Variants in ADI1 observed in about 807,000 individuals in gnomAD.
The protein encoded by ADI1 is acireductone dioxygenase.
ADI1 carries 21 observed loss-of-function variants against 18.7 expected under a neutral mutation model. The ratio of observed to expected loss-of-function variants is 1.13; its 90% confidence interval spans 0.80 to 1.62. ADI1 has a LOEUF of 1.62. Ranked by LOEUF, ADI1 falls within the 40% of genes most tolerant of loss-of-function variation. ADI1 has a pLI of 0.00. For missense variants in ADI1, 245 were observed against 254.9 expected, an observed-to-expected ratio of 0.96 and a Z score of 0.26; for synonymous variants, 90 against 100.1, an observed-to-expected ratio of 0.90 and a Z score of 0.60.
At chr2:3,503,752 C>A (rs531966853) in intron 2 of ADI1, among the ~76,000 whole-genome samples, 2 of 152,140 alleles carry the variant, frequency 1.3e-5, no homozygotes, top group Non-Finnish European at 2.9e-5. Context: ...GCTGGGGATG[C>A]GCCAGGGGAC....
At chr2:3,509,136 A>C (rs571562668) in intron 2 of ADI1, among the ~76,000 whole-genome samples, 79 of 152,294 alleles carry the variant, frequency 5.2e-4, no homozygotes, top group African/African-American at 1.8e-3. Flanking sequence ...GGAACATAAC[A>C]ATCTTAAACA....
At position 3,500,315 on chromosome 2, in the gene ADI1, C is replaced by T. The variant is rs138051209; in HGVS notation, c.420+499G>A. ...ATTACCCCAATCGCCTCCAGTGAAC[C>T]CCAAAACTACCTTATCTGTGTTTAT... On this transcript the variant is annotated intron_variant, in intron 3 of 3. Transcript: ENST00000327435. Among the ~76,000 whole-genome samples the T allele has an allele frequency of 5.4e-5, 8 of 147,014 alleles. No homozygotes were observed. In the East Asian group the frequency reaches 7.9e-4, roughly 15 times the overall value.
chr2:3,514,128 C>T, intron 1 of ADI1, 152 bp from the exon 2 acceptor site: 1 of 945,452 alleles, frequency 1.1e-6, no homozygotes, highest in Non-Finnish European at 1.5e-6. Context: ...CTCCTCTAGC[C>T]ATTTAATGGA....
chr2:3,518,415 T>C (rs1440744582), intron 1 of ADI1, among the ~76,000 whole-genome samples: 2 of 152,224 alleles, frequency 1.3e-5, no homozygotes, highest in Admixed American at 1.3e-4. Context: ...ACCCTGGCCC[T>C]CTCTTTTGCA....
chr2:3,518,611 C>G (rs1401570944), intron 1 of ADI1, among the ~76,000 whole-genome samples: 1 of 151,826 alleles, frequency 6.6e-6, no homozygotes, highest in African/African-American at 2.4e-5. Context: ...ACTGGAGACG[C>G]CCCCACCCCA....
At chr2:3,505,891 C>T (rs557828113) in intron 2 of ADI1, among the ~76,000 whole-genome samples, 2 of 152,290 alleles carry the variant, frequency 1.3e-5, no homozygotes, top group South Asian at 2.1e-4. Context: ...CTTCTTCTAC[C>T]CACCCACCAT....
chr2:3,500,723 G>T, intron 3 of ADI1, 91 bp downstream of exon 3: 1 of 1,566,016 alleles, frequency 6.4e-7, no homozygotes, highest in South Asian at 1.1e-5. Flanking sequence ...CGCGCTTGGA[G>T]TCTGCGGAAG....
chr2:3,519,407 G>A lies in ADI1; in HGVS notation c.81C>T (p.Gly27=). 1 of 1,397,048 alleles carries A rather than the reference G, an allele frequency of 7.2e-7. No individual in the cohort carries two copies. Among genetic ancestry groups the A allele is most frequent in the Non-Finnish European group, 9.2e-7 (1 of 1,082,764 alleles). 86.5% of individuals were successfully genotyped at this position (1,397,048 alleles called of 1,614,324 possible). Residue 27 remains glycine, a synonymous_variant, in exon 1 of 4, where the codon GGC becomes GGT. Coordinates refer to ENST00000327435, the MANE Select transcript of ADI1 (RefSeq NM_018269.4). ...PHRPDPGRPV[G]LEQLRRLGVL... ...CCCCGAGCCGCCGCAGCTGCTCCAG[G>A]CCCACTGGGCGGCCGGGGTCGGGGC...
intron 1 of ADI1, chr2:3,516,891 T>C (rs1205130787): frequency 2.0e-6 from 2 of 982,986 alleles, no homozygotes; most frequent in Non-Finnish European, 1.2e-6. Flanking sequence ...ATAATGTTAA[T>C]ATGGGGTGTG....
chr2:3,500,596 G>A, intron 3 of ADI1: 1 of 642,512 alleles, frequency 1.6e-6, no homozygotes. Context: ...TGTCCACCAG[G>A]ATCGCAGGCA....
rs2103217423 is a variant in ADI1 at position 3,519,352 on chromosome 2, G to C, written c.120+16C>G. ...CGGCGTCGCCCGCACGCTCTGCGAG[G>C]CTTGGGCTCGCGTACCTTCCAGTAG... On this transcript the variant is annotated intron_variant, in intron 1 of 3. Transcript: ENST00000327435. 7.1e-7 allele frequency: 1 copy of C among 1,417,138 alleles called. No individual in the cohort carries two copies. Among genetic ancestry groups the C allele is most frequent in the Non-Finnish European group, 9.2e-7 (1 of 1,091,122 alleles). 87.8% of individuals were successfully genotyped at this position (1,417,138 alleles called of 1,614,324 possible).
At chr2:3,510,487 A>G (rs1667276094) in intron 2 of ADI1, among the ~76,000 whole-genome samples, 1 of 152,198 alleles carries the variant, frequency 6.6e-6, no homozygotes, top group South Asian at 2.1e-4. Flanking sequence ...ATAGAAAAAG[A>G]GAAAAATCAA....
intron 2 of ADI1, among the ~76,000 whole-genome samples, chr2:3,504,239 T>TA (rs1667122433): frequency 6.6e-6 from 1 of 152,138 alleles, no homozygotes; most frequent in South Asian, 2.1e-4. Flanking sequence ...ACACACGACC[T>TA]AACACTGAGG....
At chr2:3,504,890 A>C (rs1394065738) in intron 2 of ADI1, among the ~76,000 whole-genome samples, 2 of 151,252 alleles carry the variant, frequency 1.3e-5, no homozygotes, top group Admixed American at 1.3e-4. Flanking sequence ...TCACCTGCGT[A>C]TGTTTGCGTT....
intron 2 of ADI1, among the ~76,000 whole-genome samples, chr2:3,507,684 T>C (rs1185836502): frequency 7.2e-5 from 11 of 152,200 alleles, no homozygotes; most frequent in South Asian, 4.1e-4. Context: ...AAGAAAATTA[T>C]ATAGGTCTGA....
Position 3,499,019 on chromosome 2 carries a change from C to T in ADI1, c.484G>A (p.Ala162Thr), listed in dbSNP as rs753897708. 32 of 1,613,880 alleles carry T rather than the reference C, an allele frequency of 2.0e-5. 1 individual carries two copies. Among genetic ancestry groups the T allele is most frequent in the South Asian group, 1.6e-4 (15 of 91,080 alleles). ...EPVWTAYNRP[A>T]DHFEARGQYV... ...TGCCCGCGGGCTTCAAAATGGTCAG[C>T]GGGCCGGTTGTACGCTGTCCACACC... The change falls in exon 4 of 4, where the codon GCT becomes ACT. Residue 162 changes from alanine to threonine, a missense_variant. Physicochemically the swap from Ala to Thr is moderately conservative, Grantham distance 58. Transcript: ENST00000327435.
At chr2:3,500,521 GTACC>G in intron 3 of ADI1, 2 of 180,848 alleles carry the variant, frequency 1.1e-5, no homozygotes, top group South Asian at 1.3e-4. Context: ...TCGTGGGTGT[GTACC>G]TGCCGCCGCA....
chr2:3,505,127 G>A (rs536126603), intron 2 of ADI1, among the ~76,000 whole-genome samples: 11 of 152,310 alleles, frequency 7.2e-5, no homozygotes, highest in Non-Finnish European at 1.0e-4. Flanking sequence ...GTTTACCTGC[G>A]TATGTTTATA....
At chr2:3,515,780 C>A (rs1179776328) in intron 1 of ADI1, 5 of 491,400 alleles carry the variant, frequency 1.0e-5, no homozygotes, top group Non-Finnish European at 1.3e-5. Flanking sequence ...TGTGATGTCA[C>A]CCCTGGCGGC....
Sources: allele counts gnomAD v4.1 joint callset (sites outside exome capture counted in the v4.1 genomes callset), GRCh38; gene constraint gnomAD v4.1.1; transcripts MANE v1.5; gene names NCBI Gene and HGNC (gene_info 2026-07-23, HGNC 2026-07-21).